PLB1: variants seen among roughly 807,000 people sequenced by gnomAD.
PLB1 encodes phospholipase B1.
PLB1 carries 242 observed loss-of-function variants against 227.4 expected under a neutral mutation model. The observed-to-expected ratio is 1.06, with a 90% confidence interval of 0.96 to 1.18. The LOEUF is 1.18. Ranked by LOEUF, PLB1 falls within the 50% of genes most tolerant of loss-of-function variation. The pLI is 0.00. For synonymous variants in PLB1, 757 were observed against 682.2 expected (o/e 1.11, Z -1.71); for missense variants, 1,858 against 1,816.3 (o/e 1.02, Z -0.42).
chr2:28,590,079 A>T lies in PLB1; in HGVS notation c.2088+3A>T. On this transcript the variant is annotated splice_donor_region_variant and intron_variant, in intron 29 of 57. Transcript: ENST00000327757. The stretch of plus-strand genomic sequence containing the variant: ...TCAATATCACATGTCCGAACCAGGT[A>T]GAGTGGAAAGCACGTCCTTCCAGGC... 6.2e-7 allele frequency: 1 copy of T among 1,609,120 alleles called. No homozygotes were observed. Among genetic ancestry groups the T allele is most frequent in the Non-Finnish European group, 8.5e-7 (1 of 1,175,430 alleles).
At chr2:28,641,586 T>A (rs1036838248) in intron 57 of PLB1, among the ~76,000 whole-genome samples, 6 of 152,064 alleles carry the variant, frequency 3.9e-5, no homozygotes, top group African/African-American at 1.4e-4. Context: ...CCAGACTGAG[T>A]GACAGAGTGA....
chr2:28,623,888 G>A (rs1687370408), intron 49 of PLB1, among the ~76,000 whole-genome samples: 1 of 152,224 alleles, frequency 6.6e-6, no homozygotes, highest in South Asian at 2.1e-4. Flanking sequence ...GATTGCCCAG[G>A]AGTTGGAGAC....
intron 14 of PLB1, among the ~76,000 whole-genome samples, chr2:28,544,331 C>T (rs1317554493): frequency 6.6e-6 from 1 of 152,248 alleles, no homozygotes; most frequent in Non-Finnish European, 1.5e-5. Flanking sequence ...GAAGAGGAAC[C>T]TGGCCCCTCC....
At chr2:28,548,582 C>T in intron 14 of PLB1, 1 of 413,942 alleles carries the variant, frequency 2.4e-6, no homozygotes, top group Non-Finnish European at 4.7e-6. Context: ...TAGGAAGTCC[C>T]TTCTATATAT....
intron 43 of PLB1, among the ~76,000 whole-genome samples, chr2:28,608,646 C>T (rs1490904010): frequency 1.3e-5 from 2 of 152,216 alleles, no homozygotes; most frequent in African/African-American, 2.4e-5. Context: ...TTAATGGGCT[C>T]TCTGCCCACT....
chr2:28,619,522 T>G (rs947332139), intron 46 of PLB1, among the ~76,000 whole-genome samples: 24 of 86,698 alleles, frequency 2.8e-4, no homozygotes, highest in South Asian at 3.5e-4. Context: ...TTTCAAGGTT[T>G]TGTTTTTTTT....
chr2:28,526,528 T>A (rs1038992288), intron 6 of PLB1, among the ~76,000 whole-genome samples: 8 of 152,208 alleles, frequency 5.3e-5, no homozygotes, highest in Admixed American at 6.5e-5. Flanking sequence ...CTATCATAAT[T>A]TAGTTTTTTT....
chr2:28,601,469 C>CCACACACACACACACACACACACA lies in PLB1; in HGVS notation c.2607+145_2607+168dup, dbSNP rs3071740. On this transcript the variant is annotated intron_variant, in intron 37 of 57. Coordinates refer to ENST00000327757, the MANE Select transcript of PLB1 (RefSeq NM_153021.5). ...ACCTATGTCTGCACATATACACATA[C>CCACACACACACACACACACACACA]CACACACACACACACACACACACAC... The CCACACACACACACACACACACACA allele has an allele frequency of 1.2e-5, 7 of 600,182 alleles. No individual in the cohort carries two copies. The African/African-American group carries it at 1.3e-4, about 11-fold the overall frequency. 37.2% of individuals were successfully genotyped at this position (600,182 alleles called of 1,614,324 possible). A position where few individuals can be genotyped will look rare whatever the true frequency, so the allele number is the denominator to read the frequency against.
rs769889817 is a variant in PLB1, at chr2:28,548,983, G to A, written c.1008+52G>A. 7.0e-6 allele frequency: 11 copies of A among 1,563,440 alleles called. No homozygotes were observed. The South Asian group carries it at 1.1e-4, about 16-fold the overall frequency. On this transcript the variant is annotated intron_variant, in intron 15 of 57. Transcript: ENST00000327757. ...CTCTTATTGAATCGAGGGCGCAGGTGGGGTGGCCAAGTGGGCTTTGCTGTG... is the reference window on the plus strand; with the variant it reads ...CTCTTATTGAATCGAGGGCGCAGGTAGGGTGGCCAAGTGGGCTTTGCTGTG...
At chr2:28,603,060 A>C in intron 39 of PLB1, 139 bp downstream of exon 39, 1 of 718,692 alleles carries the variant, frequency 1.4e-6, no homozygotes, top group Non-Finnish European at 2.3e-6. Context: ...TTCTGCCAGA[A>C]CGTCCCCTTC....
intron 23 of PLB1, among the ~76,000 whole-genome samples, chr2:28,580,312 C>T (rs1172926311): frequency 1.3e-5 from 2 of 152,220 alleles, no homozygotes; most frequent in East Asian, 3.8e-4. Flanking sequence ...AAACACAGGC[C>T]CTGTCCTCAG....
chr2:28,498,140 T>C (rs1666688399), intron 1 of PLB1, among the ~76,000 whole-genome samples: 1 of 151,896 alleles, frequency 6.6e-6, no homozygotes, highest in Non-Finnish European at 1.5e-5. Context: ...AAAAGCTTTA[T>C]AAATTTACTT....
chr2:28,563,106 G>T lies in PLB1; in HGVS notation c.1206+7G>T. 1 of 1,611,090 alleles carries T rather than the reference G, an allele frequency of 6.2e-7. No individual in the cohort carries two copies. The highest frequency in any genetic ancestry group is 1.1e-5 in the South Asian group (1 of 91,022). On this transcript the variant is annotated splice_region_variant and intron_variant, in intron 18 of 57. Transcript: ENST00000327757. The stretch of plus-strand genomic sequence containing the variant: ...CCTGGGTGACTCTCTCACGGTAAGT[G>T]ACCCTGATGCAGAAGGGGCAGGAGG...
rs753753162 is a variant in PLB1 at position 28,640,913 on chromosome 2, TTCTC to T, written c.4099-7_4099-4del. 8.1e-6 allele frequency: 13 copies of T among 1,611,334 alleles called. 1 individual carries two copies. The highest frequency in any genetic ancestry group is 5.5e-5 in the South Asian group (5 of 90,710). Reference sequence around the variant, plus strand: ...GCTTTGGAGAGAATCGAGGTGTCCTTTCTCTCTCTCCAGCTGGAACCAGTGGGCC... The same window carrying T: ...GCTTTGGAGAGAATCGAGGTGTCCTTTCTCTCCAGCTGGAACCAGTGGGCC... On this transcript the variant is annotated splice_polypyrimidine_tract_variant and intron_variant, in intron 56 of 57. Transcript: ENST00000327757.
chr2:28,608,058 C>T (rs1414249279), intron 43 of PLB1, among the ~76,000 whole-genome samples: 1 of 152,234 alleles, frequency 6.6e-6, no homozygotes, highest in Non-Finnish European at 1.5e-5. Context: ...CTCCACCCAG[C>T]AGCATCTTAA....
At chr2:28,593,879 A>G (rs1682431856) in intron 33 of PLB1, 125 bp downstream of exon 33, 1 of 836,224 alleles carries the variant, frequency 1.2e-6, no homozygotes. Flanking sequence ...TTTCAGAAAG[A>G]AAAAGCTATA....
chr2:28,587,444 T>C (rs1398385576), intron 26 of PLB1, among the ~76,000 whole-genome samples: 1 of 151,926 alleles, frequency 6.6e-6, no homozygotes, highest in East Asian at 1.9e-4. Flanking sequence ...AGTGAAACCC[T>C]GCAAAAAATA....
At chr2:28,517,359 T>C (rs568218272) in intron 2 of PLB1, among the ~76,000 whole-genome samples, 6 of 150,188 alleles carry the variant, frequency 4.0e-5, no homozygotes, top group Non-Finnish European at 7.4e-5. Context: ...CTCTCAATTT[T>C]TGGGGGAAAA....
intron 46 of PLB1, 72 bp downstream of exon 46, chr2:28,618,471 C>T (rs1436694064): frequency 2.0e-6 from 3 of 1,483,824 alleles, no homozygotes. Flanking sequence ...TCTGTGCTTC[C>T]CCAGCATTGG....
Sources: gnomAD v4.1 joint callset for allele counts (sites outside exome capture counted in the v4.1 genomes callset) on GRCh38, gnomAD v4.1.1 for gene constraint, MANE v1.5 for transcripts, NCBI Gene and HGNC (gene_info 2026-07-23, HGNC 2026-07-21) for gene names.